NUDCD1: variants seen among roughly 807,000 people sequenced by gnomAD.
NUDCD1 encodes the protein nudC domain-containing protein 1.
Under a neutral mutation model 67.8 loss-of-function variants are expected in NUDCD1, and 60 were observed. The observed-to-expected ratio is 0.88, with a 90% CI of 0.72 to 1.10. The LOEUF (loss-of-function observed/expected upper bound fraction) is 1.10. Ranked by LOEUF, NUDCD1 falls within the 50% of genes least tolerant of loss-of-function variation. The pLI is 0.00. For missense variants in NUDCD1, 643 were observed against 695.0 expected (o/e 0.93, Z 0.84); for synonymous variants, 244 against 230.8 (o/e 1.06, Z -0.52).
Position 109,271,193 on chromosome 8 carries a change from C to A in NUDCD1, c.1174-63G>T. 8 of 1,178,412 alleles carry A rather than the reference C, an allele frequency of 6.8e-6. No homozygotes were observed. The South Asian group carries it at 1.1e-4, about 16-fold the overall frequency. 73.0% of individuals were successfully genotyped at this position (1,178,412 alleles called of 1,614,324 possible). ...AAATAAACAAGGGAATGGGTTTCTTCATCTTTAAAAATTTTAAGGTTACAG... is the reference window on the plus strand; with the variant it reads ...AAATAAACAAGGGAATGGGTTTCTTAATCTTTAAAAATTTTAAGGTTACAG... On this transcript the variant is annotated intron_variant, in intron 7 of 9. Transcript: ENST00000239690.
intron 1 of NUDCD1, among the ~76,000 whole-genome samples, chr8:109,324,701 A>G (rs1191178399): frequency 1.3e-5 from 2 of 152,228 alleles, no homozygotes; most frequent in Non-Finnish European, 2.9e-5. Context: ...TGTAGTATAT[A>G]CACACACTGA....
chr8:109,325,892 T>C (rs918239252), intron 1 of NUDCD1, among the ~76,000 whole-genome samples: 1 of 152,240 alleles, frequency 6.6e-6, no homozygotes, highest in African/African-American at 2.4e-5. Context: ...TGCAATCATC[T>C]GGTTGAGAGA....
At chr8:109,245,633 G>A (rs1026376114) in intron 8 of NUDCD1, 152 bp from the exon 9 acceptor site, 2 of 600,030 alleles carry the variant, frequency 3.3e-6, no homozygotes, top group African/African-American at 1.9e-5. Flanking sequence ...ATATCCCTGA[G>A]ATAAATGTGC....
At position 109,245,362 on chromosome 8, in the gene NUDCD1, T is replaced by G. The variant is rs776107866; in HGVS notation, c.1419A>C (p.Gln473His). 2.5e-6 allele frequency: 4 copies of G among 1,613,868 alleles called. No homozygotes were observed. The Admixed American group carries it at 6.7e-5, about 27-fold the overall frequency. Residue 473 changes from glutamine to histidine, a missense_variant, in exon 9 of 10, where the codon CAA (glutamine) becomes CAC (histidine). Physicochemically the swap from Gln to His is conservative, Grantham distance 24. Transcript: ENST00000239690. ...TTGCGATGTGCTCCCACATATCATC[T>G]TGTTTGCTGGAGTGTGGTTGCCAGA... ...ALLWQPHSSKQDDMWEHIATF... is the reference protein window; with the variant it reads ...ALLWQPHSSKHDDMWEHIATF...
intron 8 of NUDCD1, among the ~76,000 whole-genome samples, chr8:109,263,613 T>A (rs1311714564): frequency 6.6e-6 from 1 of 152,168 alleles, no homozygotes; most frequent in African/African-American, 2.4e-5. Flanking sequence ...GTAACTATTA[T>A]TCTGTAACTT....
chr8:109,333,188 T>G (rs570126094), intron 1 of NUDCD1, among the ~76,000 whole-genome samples: 1 of 152,362 alleles, frequency 6.6e-6, no homozygotes, highest in East Asian at 1.9e-4. Flanking sequence ...TCTCAAAGTG[T>G]GATCTCTGAA....
Position 109,327,505 on chromosome 8 carries a change from C to T in NUDCD1, c.119-5042G>A, listed in dbSNP as rs188250327. Among the ~76,000 whole-genome samples the T allele has an allele frequency of 3.6e-3, 543 of 152,306 alleles. 5 individuals carry two copies. Among genetic ancestry groups the T allele is most frequent in the African/African-American group, 0.012 (485 of 41,562 alleles). ...GGAAAAGCATGAGCTTTAGGGTCAG[C>T]TTTGCCACTGATGAATAACTTGGTT... On this transcript the variant is annotated intron_variant, in intron 1 of 9. Transcript: ENST00000239690.
intron 2 of NUDCD1, among the ~76,000 whole-genome samples, chr8:109,297,526 T>TA (rs1317847005): frequency 6.6e-6 from 1 of 151,846 alleles, no homozygotes; most frequent in East Asian, 1.9e-4. Flanking sequence ...TTGTCTCTTT[T>TA]TCCCCCTCCG....
At chr8:109,305,675 T>C (rs886891409) in intron 2 of NUDCD1, among the ~76,000 whole-genome samples, 5 of 152,128 alleles carry the variant, frequency 3.3e-5, no homozygotes, top group African/African-American at 1.2e-4. Flanking sequence ...CTTCCTGTCC[T>C]CCAGCAGGAC....
At chr8:109,270,842 T>C (rs1220161923) in intron 8 of NUDCD1, among the ~76,000 whole-genome samples, 163 bp downstream of exon 8, 3 of 152,152 alleles carry the variant, frequency 2.0e-5, no homozygotes, top group South Asian at 2.1e-4. Flanking sequence ...TACAACACTG[T>C]TTTGCTGAGT....
chr8:109,303,549 T>C (rs116724952), intron 2 of NUDCD1, among the ~76,000 whole-genome samples: 4,952 of 152,270 alleles, frequency 0.033, 104 homozygotes, highest in Middle Eastern at 0.11. Flanking sequence ...TATCCTCACC[T>C]GCCCCGCTCC....
At chr8:109,311,559 G>GTGTGTGTATGTATATATA in intron 2 of NUDCD1, among the ~76,000 whole-genome samples, 3 of 125,106 alleles carry the variant, frequency 2.4e-5, no homozygotes, top group African/African-American at 1.0e-4. Context: ...AAACTGTGGT[G>GTGTGTGTATGTATATATA]TATATATATA....
In NUDCD1 at chr8:109,241,994, A is replaced by C. The variant is rs1813377285; in HGVS notation, c.*1015T>G. 1 of 397,528 alleles carries C rather than the reference A, an allele frequency of 2.5e-6. No homozygotes were observed. The highest frequency in any genetic ancestry group is 4.4e-6 in the Non-Finnish European group (1 of 225,330). The allele number at this position is 397,528 out of a possible 1,614,324, so 24.6% of individuals were successfully genotyped here. A position where few individuals can be genotyped will look rare whatever the true frequency, so the allele number is the denominator to read the frequency against. On this transcript the variant is annotated 3_prime_UTR_variant, in exon 10 of 10. Coordinates refer to ENST00000239690, the MANE Select transcript of NUDCD1 (RefSeq NM_032869.4). ...AAAATTTGTGGCAAGAAACTATAACATATAAACAGGATTATTTTGTTGAAG... is the reference window on the plus strand; with the variant it reads ...AAAATTTGTGGCAAGAAACTATAACCTATAAACAGGATTATTTTGTTGAAG...
intron 8 of NUDCD1, among the ~76,000 whole-genome samples, chr8:109,268,684 C>A (rs529932193): frequency 6.6e-6 from 1 of 152,204 alleles, no homozygotes; most frequent in South Asian, 2.1e-4. Context: ...AGAGTTATAG[C>A]ACCTAAAACT....
intron 2 of NUDCD1, among the ~76,000 whole-genome samples, chr8:109,310,003 C>T (rs935122745): frequency 1.4e-4 from 21 of 152,078 alleles, no homozygotes; most frequent in Admixed American, 1.3e-4. Flanking sequence ...AAACACATCC[C>T]ACACTCATGG....
chr8:109,317,560 T>G (rs995510704), intron 2 of NUDCD1, among the ~76,000 whole-genome samples: 1 of 150,030 alleles, frequency 6.7e-6, no homozygotes, highest in Non-Finnish European at 1.5e-5. Context: ...ACAGGATCCA[T>G]TGTTCTGTGG....
chr8:109,328,765 T>A (rs181848033), intron 1 of NUDCD1, among the ~76,000 whole-genome samples: 10 of 152,124 alleles, frequency 6.6e-5, no homozygotes, highest in African/African-American at 2.4e-4. Context: ...GTAACTCAAC[T>A]ATATCCCGGA....
intron 8 of NUDCD1, among the ~76,000 whole-genome samples, chr8:109,255,268 T>C (rs1180867440): frequency 6.6e-6 from 1 of 152,148 alleles, no homozygotes; most frequent in Non-Finnish European, 1.5e-5. Flanking sequence ...TATAGATAAG[T>C]TGTTCATCTA....
chr8:109,331,788 T>G (rs1045518734), intron 1 of NUDCD1, among the ~76,000 whole-genome samples: 2 of 152,166 alleles, frequency 1.3e-5, no homozygotes, highest in South Asian at 2.1e-4. Flanking sequence ...AACAGAAAAG[T>G]TGGCAGAACT....
Sources: gnomAD v4.1 joint callset for allele counts (sites outside exome capture counted in the v4.1 genomes callset) on GRCh38, gnomAD v4.1.1 for gene constraint, MANE v1.5 for transcripts, NCBI Gene and HGNC (gene_info 2026-07-23, HGNC 2026-07-21) for gene names.